STX18: variants seen among roughly 807,000 people sequenced by gnomAD.
STX18 encodes the protein syntaxin 18.
Under a neutral mutation model 50.1 loss-of-function variants are expected in STX18, and 40 were observed. The ratio of observed to expected loss-of-function variants is 0.80; its 90% CI spans 0.62 to 1.04. STX18 has a LOEUF of 1.04. STX18 is among the 50% of genes least tolerant of loss of function. STX18 has a pLI of 0.00. For synonymous variants in STX18, 158 were observed against 151.8 expected, an observed-to-expected ratio of 1.04 and a Z score of -0.30; for missense variants, 410 against 415.8, an observed-to-expected ratio of 0.99 and a Z score of 0.12.
intron 1 of STX18, among the ~76,000 whole-genome samples, chr4:4,509,814 A>C (rs1458715668): frequency 3.9e-5 from 6 of 152,078 alleles, no homozygotes; most frequent in African/African-American, 1.4e-4. Context: ...AAATGTTTGA[A>C]GGAGAAGTAA....
chr4:4,487,283 G>A (rs1728741697), intron 1 of STX18, among the ~76,000 whole-genome samples: 1 of 152,164 alleles, frequency 6.6e-6, no homozygotes. Context: ...TGCAGGTGGT[G>A]GGGAGACTGA....
chr4:4,448,699 T>A (rs889961804), intron 5 of STX18, among the ~76,000 whole-genome samples: 1 of 152,198 alleles, frequency 6.6e-6, no homozygotes, highest in Non-Finnish European at 1.5e-5. Flanking sequence ...AATACTATCT[T>A]TCTCAAAGAG....
At chr4:4,458,222 A>C (rs937661501) in intron 3 of STX18, among the ~76,000 whole-genome samples, 4 of 152,348 alleles carry the variant, frequency 2.6e-5, no homozygotes, top group East Asian at 1.9e-4. Flanking sequence ...AGAGGCAATA[A>C]ATAGCCCAAG....
At chr4:4,424,193 C>T (rs1309121143) in intron 8 of STX18, among the ~76,000 whole-genome samples, 1 of 151,388 alleles carries the variant, frequency 6.6e-6, no homozygotes. Flanking sequence ...GTGTCAGGGG[C>T]AGCATGGGCT....
chr4:4,485,221 C>T (rs996667655), intron 1 of STX18, among the ~76,000 whole-genome samples: 1 of 152,206 alleles, frequency 6.6e-6, no homozygotes, highest in East Asian at 1.9e-4. Flanking sequence ...CTGAAGGTGA[C>T]TACAGGTCAC....
intron 5 of STX18, among the ~76,000 whole-genome samples, chr4:4,451,031 A>G: frequency 6.6e-6 from 1 of 152,236 alleles, no homozygotes; most frequent in East Asian, 1.9e-4. Context: ...AATGTCTACT[A>G]AAGTCCCCAG....
chr4:4,447,500 AG>A (rs1335401681), intron 5 of STX18, among the ~76,000 whole-genome samples: 2 of 147,410 alleles, frequency 1.4e-5, no homozygotes, highest in Non-Finnish European at 3.0e-5. Context: ...CTGAGGCAGG[AG>A]AATGGCGTGA....
intron 7 of STX18, among the ~76,000 whole-genome samples, chr4:4,428,014 G>A (rs911244584): frequency 6.6e-6 from 1 of 152,200 alleles, no homozygotes; most frequent in African/African-American, 2.4e-5. Flanking sequence ...ACAACTACAA[G>A]GTCACTATTA....
At chr4:4,484,569 T>C (rs1728618293) in intron 1 of STX18, among the ~76,000 whole-genome samples, 1 of 152,098 alleles carries the variant, frequency 6.6e-6, no homozygotes, top group South Asian at 2.1e-4. Flanking sequence ...GAAAATGGGA[T>C]ATAAAAAGTA....
chr4:4,457,934 C>G (rs1727169653), intron 3 of STX18, among the ~76,000 whole-genome samples: 1 of 152,158 alleles, frequency 6.6e-6, no homozygotes, highest in Admixed American at 6.5e-5. Context: ...TTCTAAGGGT[C>G]CCTTAGACAA....
chr4:4,514,108 C>T (rs1374983245), intron 1 of STX18, among the ~76,000 whole-genome samples: 2 of 152,182 alleles, frequency 1.3e-5, no homozygotes, highest in Admixed American at 6.6e-5. Context: ...CATGGCTTCA[C>T]TGTATCAAGC....
At chr4:4,461,879 C>T (rs1727397256) in intron 2 of STX18, 5 of 456,138 alleles carry the variant, frequency 1.1e-5, no homozygotes, top group African/African-American at 4.0e-5. Context: ...ATAGTCACCA[C>T]ACCTTTCTCT....
rs34174730 is a variant in STX18 at position 4,436,950 on chromosome 4, CT to C, written c.613+1443del. Among the ~76,000 whole-genome samples, 405 of 116,676 alleles carry C rather than the reference CT, an allele frequency of 3.5e-3. 1 individual carries two copies. The highest frequency in any genetic ancestry group is 9.5e-3 in the African/African-American group (276 of 29,144). The allele number at this position is 116,676 out of a possible 152,430, so 76.5% of individuals were successfully genotyped here. ...TTTTATTTTTTCAGGTCCAGACTCA[CT>C]TTTTTTTTTTTTTTTTTTTTTTTTT... is the stretch of plus-strand genomic sequence containing the variant. On this transcript the variant is annotated intron_variant, in intron 6 of 10. Coordinates refer to ENST00000306200, the MANE Select transcript of STX18 (RefSeq NM_016930.4).
chr4:4,534,684 T>C (rs563918939), intron 1 of STX18, among the ~76,000 whole-genome samples: 32 of 152,332 alleles, frequency 2.1e-4, no homozygotes, highest in Admixed American at 1.4e-3. Context: ...GCCCAGAGCA[T>C]AAAGTACAAA....
At chr4:4,450,823 T>G (rs1726707296) in intron 5 of STX18, among the ~76,000 whole-genome samples, 1 of 152,222 alleles carries the variant, frequency 6.6e-6, no homozygotes, top group African/African-American at 2.4e-5. Flanking sequence ...CAGGACTGAC[T>G]TCTTCAGGAA....
intron 1 of STX18, among the ~76,000 whole-genome samples, chr4:4,490,551 C>T (rs1728898389): frequency 3.9e-5 from 6 of 152,102 alleles, no homozygotes; most frequent in Admixed American, 3.9e-4. Context: ...TCTACAGATG[C>T]TTACTTCGTA....
chr4:4,433,534 T>TAA (rs10676475), intron 7 of STX18, among the ~76,000 whole-genome samples: 13,423 of 110,908 alleles, frequency 0.12, 1,508 homozygotes, highest in African/African-American at 0.29. Flanking sequence ...AAAAATAAAT[T>TAA]AAAAAAAAAA....
chr4:4,496,309 C>T (rs1034041476), intron 1 of STX18, among the ~76,000 whole-genome samples: 1 of 152,096 alleles, frequency 6.6e-6, no homozygotes, highest in African/African-American at 2.4e-5. Flanking sequence ...CTTGATAATC[C>T]CCCATCTCCA....
At chr4:4,489,294 C>T (rs1382876686) in intron 1 of STX18, among the ~76,000 whole-genome samples, 2 of 151,036 alleles carry the variant, frequency 1.3e-5, no homozygotes, top group East Asian at 1.9e-4. Context: ...ATACAGATCC[C>T]TTTTTTCCTT....
Sources: allele counts gnomAD v4.1 joint callset (sites outside exome capture counted in the v4.1 genomes callset), GRCh38; gene constraint gnomAD v4.1.1; transcripts MANE v1.5; gene names NCBI Gene and HGNC (gene_info 2026-07-23, HGNC 2026-07-21).